GRID2: variants seen among roughly 807,000 people sequenced by gnomAD.
GRID2 encodes glutamate receptor ionotropic, delta-2.
In GRID2, 33 loss-of-function variants were observed where a neutral mutation model predicts 114.8. The ratio of observed to expected loss-of-function variants is 0.29; its 90% CI spans 0.22 to 0.38. The LOEUF is 0.38. Ranked by LOEUF, GRID2 falls within the 10% of genes least tolerant of loss-of-function variation. The probability of loss-of-function intolerance (pLI) is 1.00; values close to 1 mark genes in which losing one functional copy is unlikely to be tolerated. For missense variants in GRID2, 1,184 were observed against 1,257.7 expected (o/e 0.94, Z 0.89); for synonymous variants, 505 against 449.9 (o/e 1.12, Z -1.55).
intron 8 of GRID2, among the ~76,000 whole-genome samples, chr4:93,284,247 A>G (rs1202642924): frequency 6.6e-6 from 1 of 151,986 alleles, no homozygotes; most frequent in African/African-American, 2.4e-5. Context: ...TTTACTTCCC[A>G]TTTCTTTAAA....
chr4:93,238,502 C>A lies in GRID2; in HGVS notation c.1245+12C>A. ...GAGGTGTTCGAAAAGTAAGACAAGA[C>A]ACACTGATTAATACGCTTTTTCCTA... is the stretch of plus-strand genomic sequence containing the variant. On this transcript the variant is annotated intron_variant, in intron 8 of 15. Coordinates refer to ENST00000282020, the MANE Select transcript of GRID2 (RefSeq NM_001510.4). The A allele has an allele frequency of 6.2e-7, 1 of 1,605,230 alleles. No homozygotes were observed. The highest frequency in any genetic ancestry group is 1.7e-5 in the Admixed American group (1 of 59,670).
At chr4:92,432,688 G>A (rs1203132846) in intron 1 of GRID2, among the ~76,000 whole-genome samples, 1 of 152,124 alleles carries the variant, frequency 6.6e-6, no homozygotes, top group African/African-American at 2.4e-5. Context: ...CCATTCAGTA[G>A]CTAAGGCCTG....
At chr4:93,441,406 T>C (rs1269607151) in intron 10 of GRID2, among the ~76,000 whole-genome samples, 3 of 152,076 alleles carry the variant, frequency 2.0e-5, no homozygotes, top group Admixed American at 6.6e-5. Flanking sequence ...TAGAGAAATA[T>C]GCTACAAGTA....
intron 2 of GRID2, among the ~76,000 whole-genome samples, chr4:92,821,694 A>G (rs961268805): frequency 6.6e-6 from 1 of 152,140 alleles, no homozygotes; most frequent in African/African-American, 2.4e-5. Context: ...CACCCCCTCA[A>G]TAAGGCACCA....
intron 1 of GRID2, among the ~76,000 whole-genome samples, chr4:92,492,281 T>C: frequency 6.6e-6 from 1 of 152,170 alleles, no homozygotes; most frequent in East Asian, 1.9e-4. Context: ...TATTTGGTTA[T>C]TATATATGGT....
intron 1 of GRID2, among the ~76,000 whole-genome samples, chr4:92,338,446 TATTA>T (rs536156659): frequency 9.0e-4 from 137 of 152,260 alleles, no homozygotes; most frequent in Non-Finnish European, 1.2e-3. Context: ...TTTCTTACAG[TATTA>T]ATTGAGAAAT....
intron 2 of GRID2, among the ~76,000 whole-genome samples, chr4:92,793,102 A>G (rs1739675054): frequency 6.6e-6 from 1 of 151,806 alleles, no homozygotes; most frequent in Non-Finnish European, 1.5e-5. Flanking sequence ...TTTATGCACC[A>G]GTTCCATATA....
chr4:93,652,784 TAA>T lies in GRID2; in HGVS notation c.2360+26376_2360+26377del, dbSNP rs200098114. Among the ~76,000 whole-genome samples the T allele has an allele frequency of 7.5e-3, 644 of 86,272 alleles. 6 individuals are homozygous for T. The highest frequency in any genetic ancestry group is 0.025 in the African/African-American group (607 of 23,972). 56.6% of individuals were successfully genotyped at this position (86,272 alleles called of 152,430 possible). A position where few individuals can be genotyped will look rare whatever the true frequency, so the allele number is the denominator to read the frequency against. On this transcript the variant is annotated intron_variant, in intron 14 of 15. Coordinates refer to ENST00000282020, the MANE Select transcript of GRID2 (RefSeq NM_001510.4). ...GAATGACAGTAAATGCAGTAAATGC[TAA>T]AAAAAAAAAAAAAAAAAAAAAAAAA...
rs1179983480 is a variant in GRID2 at position 93,386,056 on chromosome 4, A to AG, written c.1246-9551_1246-9550insG. 9.2e-5 allele frequency among the ~76,000 whole-genome samples: 14 copies of AG among 151,992 alleles called. 1 individual carries two copies. Among genetic ancestry groups the AG allele is most frequent in the African/African-American group, 2.9e-4 (12 of 41,320 alleles). ...AGAAGGGTTTATTATTAAAAAAAAA[A>AG]TGTGTTTTCTCAAGGACCCCAAAAC... On this transcript the variant is annotated intron_variant, in intron 8 of 15. Coordinates refer to ENST00000282020, the MANE Select transcript of GRID2 (RefSeq NM_001510.4).
chr4:93,253,862 G>C (rs891400918), intron 8 of GRID2, among the ~76,000 whole-genome samples: 4 of 152,048 alleles, frequency 2.6e-5, no homozygotes, highest in Admixed American at 1.3e-4. Flanking sequence ...TGACACTTAA[G>C]GTTGTCGATA....
intron 13 of GRID2, among the ~76,000 whole-genome samples, chr4:93,518,498 A>G (rs752744172): frequency 6.6e-6 from 1 of 152,218 alleles, no homozygotes; most frequent in African/African-American, 2.4e-5. Flanking sequence ...AGCACCTTCT[A>G]TTTGTCAAGC....
chr4:93,140,770 C>G (rs1735700248), intron 4 of GRID2, among the ~76,000 whole-genome samples: 1 of 152,154 alleles, frequency 6.6e-6, no homozygotes, highest in South Asian at 2.1e-4. Context: ...CTATGCCAAT[C>G]AATACATTTC....
intron 1 of GRID2, among the ~76,000 whole-genome samples, chr4:92,529,794 A>G (rs1725239469): frequency 6.6e-6 from 1 of 152,170 alleles, no homozygotes; most frequent in Non-Finnish European, 1.5e-5. Context: ...AATTGCAAGT[A>G]AAAGCTAGAG....
intron 14 of GRID2, among the ~76,000 whole-genome samples, chr4:93,632,805 G>A (rs1471134307): frequency 6.6e-6 from 1 of 152,072 alleles, no homozygotes; most frequent in Non-Finnish European, 1.5e-5. Flanking sequence ...AATTACCTTG[G>A]GCAGTATGGC....
chr4:93,398,604 T>G (rs1358760834), intron 9 of GRID2, among the ~76,000 whole-genome samples: 1 of 151,968 alleles, frequency 6.6e-6, no homozygotes, highest in Non-Finnish European at 1.5e-5. Context: ...TGCTATTTTG[T>G]TCATGAAATA....
intron 2 of GRID2, among the ~76,000 whole-genome samples, chr4:92,915,397 A>G (rs1471094973): frequency 2.0e-5 from 3 of 152,184 alleles, no homozygotes; most frequent in Non-Finnish European, 4.4e-5. Context: ...AAGAGCCTCA[A>G]GGATGGTCAA....
chr4:92,452,212 A>G (rs1266612595), intron 1 of GRID2, among the ~76,000 whole-genome samples: 1 of 152,190 alleles, frequency 6.6e-6, no homozygotes. Context: ...ATTATGCCAC[A>G]TAAATGTTCT....
chr4:92,881,993 T>C (rs1057262093), intron 2 of GRID2, among the ~76,000 whole-genome samples: 11 of 152,188 alleles, frequency 7.2e-5, no homozygotes, highest in Non-Finnish European at 4.4e-5. Flanking sequence ...TATGTGCTGG[T>C]AATATTCTTA....
chr4:92,805,670 C>T lies in GRID2; in HGVS notation c.244+215384C>T, dbSNP rs370994556. ...ATGATTTGCTTGGTGCAGTGGCTCACGCTTGTAATCCCAGCACTTTGGGAG... is the reference window on the plus strand; with the variant it reads ...ATGATTTGCTTGGTGCAGTGGCTCATGCTTGTAATCCCAGCACTTTGGGAG... On this transcript the variant is annotated intron_variant, in intron 2 of 15. Coordinates refer to ENST00000282020, the MANE Select transcript of GRID2 (RefSeq NM_001510.4). Among the ~76,000 whole-genome samples, 185 of 152,006 alleles carry T rather than the reference C, an allele frequency of 1.2e-3. 1 individual carries two copies. The highest frequency in any genetic ancestry group is 3.8e-3 in the African/African-American group (157 of 41,498).
Sources: gnomAD v4.1 joint callset for allele counts (sites outside exome capture counted in the v4.1 genomes callset) on GRCh38, gnomAD v4.1.1 for gene constraint, MANE v1.5 for transcripts, NCBI Gene and HGNC (gene_info 2026-07-23, HGNC 2026-07-21) for gene names.